GPR63: variants seen among roughly 807,000 people sequenced by gnomAD.
The protein encoded by GPR63 is G protein-coupled receptor 63, also known as probable G protein-coupled receptor 63.
GPR63 carries 12 observed loss-of-function variants against 23.1 expected under a neutral mutation model. That is an observed-to-expected ratio of 0.52 (90% CI 0.33 to 0.84). The LOEUF (loss-of-function observed/expected upper bound fraction) is 0.84. GPR63 is among the 40% of genes least tolerant of loss of function. The pLI, the probability that GPR63 is intolerant of heterozygous loss-of-function variation, is 0.02. For synonymous variants in GPR63, 172 were observed against 191.1 expected (o/e 0.90, Z 0.82); for missense variants, 472 against 515.6 (o/e 0.92, Z 0.82).
chr6:96,805,311 T>A (rs2127946319), intron 1 of GPR63, among the ~76,000 whole-genome samples: 1 of 152,106 alleles, frequency 6.6e-6, no homozygotes, highest in Non-Finnish European at 1.5e-5. Flanking sequence ...CATACCCTTT[T>A]AAAAAACCAG....
At chr6:96,827,172 A>G (rs1261788814) in intron 1 of GPR63, among the ~76,000 whole-genome samples, 3 of 152,088 alleles carry the variant, frequency 2.0e-5, no homozygotes, top group African/African-American at 7.2e-5. Flanking sequence ...TTAGACAAAG[A>G]ATATAAAAAT....
At chr6:96,814,747 A>G (rs1774121456) in intron 1 of GPR63, among the ~76,000 whole-genome samples, 1 of 152,090 alleles carries the variant, frequency 6.6e-6, no homozygotes, top group East Asian at 1.9e-4. Flanking sequence ...CCTTCCCTAA[A>G]GGCTTCAAGT....
At chr6:96,829,087 G>A (rs897373171) in intron 1 of GPR63, among the ~76,000 whole-genome samples, 3 of 152,148 alleles carry the variant, frequency 2.0e-5, no homozygotes, top group Non-Finnish European at 4.4e-5. Context: ...TGATCAAGTA[G>A]ATAAAAACAT....
Position 96,799,455 on chromosome 6 carries a change from A to G in GPR63, c.277T>C (p.Phe93Leu). 3.7e-6 allele frequency: 6 copies of G among 1,614,100 alleles called. No homozygotes were observed. The highest frequency in any genetic ancestry group is 5.1e-6 in the Non-Finnish European group (6 of 1,180,010). ...ACCAAGTTCCCAAGAAAAGACACAA[A>G]CAGAATGAATATCATTATAGCAGAA... ...TLSAIMIFILFVSFLGNLVVC... is the reference protein window; with the variant it reads ...TLSAIMIFILLVSFLGNLVVC... Residue 93 changes from phenylalanine to leucine, a missense_variant, in exon 2 of 2, where the codon TTT becomes CTT. By Grantham distance (22) the Phe-to-Leu change is conservative (BLOSUM62 0). Transcript: ENST00000229955.
intron 1 of GPR63, among the ~76,000 whole-genome samples, chr6:96,821,781 T>C (rs1013155889): frequency 7.9e-5 from 12 of 152,040 alleles, no homozygotes; most frequent in African/African-American, 2.9e-4. Flanking sequence ...GTGAAAGACA[T>C]ACATATATAT....
Position 96,799,357 on chromosome 6 carries a change from A to C in GPR63, c.375T>G (p.Phe125Leu). 1 of 1,614,216 alleles carries C rather than the reference A, an allele frequency of 6.2e-7. No individual in the cohort carries two copies. The highest frequency in any genetic ancestry group is 8.5e-7 in the Non-Finnish European group (1 of 1,180,018). Residue 125 changes from phenylalanine (F) to leucine (L), a missense_variant, in exon 2 of 2, where the codon TTT becomes TTG. Transcript: ENST00000229955. ...TCAGCACTGCAAGCAACATGTCTGCAAAAGCTAGGCTGGCAAGGAGGATGT... is the reference window on the plus strand; with the variant it reads ...TCAGCACTGCAAGCAACATGTCTGCCAAAGCTAGGCTGGCAAGGAGGATGT... Reference protein sequence around the residue: ...AINILLASLAFADMLLAVLNM... With the variant: ...AINILLASLALADMLLAVLNM...
intron 1 of GPR63, among the ~76,000 whole-genome samples, chr6:96,805,881 C>T (rs59380568): frequency 6.6e-6 from 1 of 152,186 alleles, no homozygotes; most frequent in African/African-American, 2.4e-5. Context: ...TTGTACAAAA[C>T]AGATGGATTT....
intron 1 of GPR63, among the ~76,000 whole-genome samples, chr6:96,819,723 C>A (rs909219038): frequency 6.9e-6 from 1 of 144,342 alleles, no homozygotes; most frequent in African/African-American, 2.7e-5. Flanking sequence ...AACTAAATTG[C>A]CAAAAAAAAA....
intron 1 of GPR63, among the ~76,000 whole-genome samples, chr6:96,813,666 G>T (rs1299464507): frequency 6.6e-6 from 1 of 152,136 alleles, no homozygotes. Flanking sequence ...TGTCTGTTAG[G>T]TCCAATCCAA....
rs1774184991 is a variant in GPR63, at chr6:96,817,151, A to T, written c.-150-17270T>A. On this transcript the variant is annotated intron_variant, in intron 1 of 1. Coordinates refer to ENST00000229955, the MANE Select transcript of GPR63 (RefSeq NM_030784.4). Reference sequence around the variant, plus strand: ...AAATGGCAACAAATTGATAAGAAAAAGATAAACAACCCAGGCTGAAAGATA... The same window carrying T: ...AAATGGCAACAAATTGATAAGAAAATGATAAACAACCCAGGCTGAAAGATA... 2.0e-5 allele frequency among the ~76,000 whole-genome samples: 3 copies of T among 152,300 alleles called. No homozygotes were observed. In the South Asian group the frequency reaches 6.2e-4, roughly 32 times the overall value.
At chr6:96,815,154 T>C (rs1774132242) in intron 1 of GPR63, among the ~76,000 whole-genome samples, 1 of 152,244 alleles carries the variant, frequency 6.6e-6, no homozygotes, top group Non-Finnish European at 1.5e-5. Context: ...TCACCATTTA[T>C]ATGAATGCTT....
At position 96,798,381 on chromosome 6, in the gene GPR63, T is replaced by TA. The variant is rs373963539; in HGVS notation, c.*90dup. 1.9e-3 allele frequency: 2,489 copies of TA among 1,299,346 alleles called. No homozygotes were observed. The highest frequency in any genetic ancestry group is 2.3e-3 in the Non-Finnish European group (2,151 of 944,918). 80.5% of individuals were successfully genotyped at this position (1,299,346 alleles called of 1,614,324 possible). A position where few individuals can be genotyped will look rare whatever the true frequency, so the allele number is the denominator to read the frequency against. On this transcript the variant is annotated 3_prime_UTR_variant, in exon 2 of 2. Coordinates refer to ENST00000229955, the MANE Select transcript of GPR63 (RefSeq NM_030784.4). ...CACACACATACATACACAAACCCTATAAAAAAAAATAAAGTGGAGAGGCTA... is the reference window on the plus strand; with the variant it reads ...CACACACATACATACACAAACCCTATAAAAAAAAAATAAAGTGGAGAGGCTA...
intron 1 of GPR63, among the ~76,000 whole-genome samples, chr6:96,836,804 C>T (rs181559210): frequency 3.3e-5 from 5 of 152,168 alleles, no homozygotes; most frequent in African/African-American, 9.6e-5. Context: ...CTTTCGCTCT[C>T]GCAAACAAGG....
chr6:96,802,365 T>C (rs1773786491), intron 1 of GPR63, among the ~76,000 whole-genome samples: 1 of 151,970 alleles, frequency 6.6e-6, no homozygotes, highest in African/African-American at 2.4e-5. Flanking sequence ...AAAAGGAAAA[T>C]GGTGAGCAAA....
At chr6:96,816,323 C>T (rs1235424398) in intron 1 of GPR63, among the ~76,000 whole-genome samples, 1 of 152,046 alleles carries the variant, frequency 6.6e-6, no homozygotes, top group Non-Finnish European at 1.5e-5. Flanking sequence ...GTTGATACTC[C>T]ACCAATGGGA....
At chr6:96,823,643 G>A (rs183261253) in intron 1 of GPR63, among the ~76,000 whole-genome samples, 86 of 152,088 alleles carry the variant, frequency 5.7e-4, no homozygotes, top group Admixed American at 5.6e-3. Flanking sequence ...AGTCTACAGT[G>A]GTGTACATTA....
At chr6:96,808,254 T>C (rs765508641) in intron 1 of GPR63, among the ~76,000 whole-genome samples, 2 of 152,142 alleles carry the variant, frequency 1.3e-5, no homozygotes, top group Non-Finnish European at 2.9e-5. Context: ...CTGCCAAAAA[T>C]ATATGACATA....
At chr6:96,819,743 CA>C (rs1222932534) in intron 1 of GPR63, among the ~76,000 whole-genome samples, 2 of 140,178 alleles carry the variant, frequency 1.4e-5, no homozygotes, top group Non-Finnish European at 1.6e-5. Flanking sequence ...AACAAAAAAA[CA>C]AAAAAAAACG....
At position 96,798,437 on chromosome 6, in the gene GPR63, C is replaced by T. The variant is rs754506267; in HGVS notation, c.*35G>A. 1.3e-6 allele frequency: 2 copies of T among 1,594,366 alleles called. No homozygotes were observed. Among genetic ancestry groups the T allele is most frequent in the African/African-American group, 1.3e-5 (1 of 74,430 alleles). On this transcript the variant is annotated 3_prime_UTR_variant, in exon 2 of 2. Transcript: ENST00000229955. ...AAGAGAATTCAATGTCAATAAAGAA[C>T]AAGCATCACCCAAAATGTCAGCCAG...
Sources: allele counts gnomAD v4.1 joint callset (sites outside exome capture counted in the v4.1 genomes callset), GRCh38; gene constraint gnomAD v4.1.1; transcripts MANE v1.5; gene names NCBI Gene and HGNC (gene_info 2026-07-23, HGNC 2026-07-21).